The following SIX4 variants were observed in gnomAD, a reference collection of about 807,000 sequenced individuals.
SIX4 encodes SIX homeobox 4, also known as homeobox protein SIX4.
In SIX4, 23 loss-of-function variants were observed where a neutral mutation model predicts 51.5. That is an observed-to-expected ratio of 0.45 (90% CI 0.32 to 0.63). The LOEUF (loss-of-function observed/expected upper bound fraction) is 0.63. Among genes scored for constraint, SIX4 ranks in the 30% least tolerant of loss-of-function variants. The pLI is 0.04. For synonymous variants in SIX4, 413 were observed against 417.3 expected (o/e 0.99, Z 0.13); for missense variants, 867 against 984.0 (o/e 0.88, Z 1.59).
intron 2 of SIX4, among the ~76,000 whole-genome samples, chr14:60,718,294 A>G (rs938554553): frequency 2.0e-5 from 3 of 152,158 alleles, no homozygotes; most frequent in African/African-American, 7.2e-5. Flanking sequence ...ACTCACCCAG[A>G]CAGTCTAAGA....
In SIX4 at chr14:60,714,126, C is replaced by T. The variant is rs1392240504; in HGVS notation, c.1627G>A (p.Val543Ile). 1 of 1,613,782 alleles carries T rather than the reference C, an allele frequency of 6.2e-7. No individual in the cohort carries two copies. Among genetic ancestry groups the T allele is most frequent in the Admixed American group, 1.7e-5 (1 of 60,004 alleles). The change falls in exon 3 of 3, where the codon GTT becomes ATT. Residue 543 changes from valine (V) to isoleucine (I), a missense_variant. Physicochemically the swap from Val to Ile is conservative, Grantham distance 29. Coordinates refer to ENST00000216513, the MANE Select transcript of SIX4 (RefSeq NM_017420.5). ...SESTTVQQGK[V>I]FLSSLAPSAV... ...CTGGGAGCAAGAGAGCTCAAGAAAA[C>T]CTTTCCTTGCTGGACTGTGGTAGAC...
At position 60,723,787 on chromosome 14, in the gene SIX4, G is replaced by C; in HGVS notation, c.288C>G (p.His96Gln). The C allele has an allele frequency of 2.0e-6, 3 of 1,537,118 alleles. No individual in the cohort carries two copies. Among genetic ancestry groups the C allele is most frequent in the Non-Finnish European group, 1.7e-6 (2 of 1,147,350 alleles). Reference sequence around the variant, plus strand: ...GGGTCTGCGCGGCGGCGGCGGCGGCGTGGTGGTGCCTGCCCAGAAGTTCCG... The same window carrying C: ...GGGTCTGCGCGGCGGCGGCGGCGGCCTGGTGGTGCCTGCCCAGAAGTTCCG... ...LHSELLGRHH[H>Q]AAAAAAQTPL... The change falls in exon 1 of 3, where the codon CAC (histidine) becomes CAG (glutamine). Residue 96 changes from histidine to glutamine, a missense_variant. By Grantham distance (24) the His-to-Gln change is conservative. Transcript: ENST00000216513.
At position 60,723,773 on chromosome 14, in the gene SIX4, G is replaced by A. The variant is rs1896082937; in HGVS notation, c.302C>T (p.Ala101Val). 5.2e-6 allele frequency: 8 copies of A among 1,536,726 alleles called. No individual in the cohort carries two copies. The East Asian group carries it at 2.0e-4, about 38-fold the overall frequency. ...LGRHHHAAAA[A>V]AQTPLAFSPD... ...CGAGAAGGCCAGCGGGGTCTGCGCG[G>A]CGGCGGCGGCGGCGTGGTGGTGCCT... Residue 101 changes from alanine to valine, a missense_variant, in exon 1 of 3, where the codon GCC (alanine) becomes GTC (valine). Transcript: ENST00000216513.
chr14:60,719,861 A>T lies in SIX4; in HGVS notation c.1448T>A (p.Ile483Asn), dbSNP rs145386126. The T allele has an allele frequency of 6.2e-7, 1 of 1,614,208 alleles. No individual in the cohort carries two copies. The highest frequency in any genetic ancestry group is 1.1e-5 in the South Asian group (1 of 91,078). The change falls in exon 2 of 3, where the codon ATT (isoleucine) becomes AAT (asparagine). Residue 483 changes from isoleucine to asparagine, a missense_variant. Transcript: ENST00000216513. The surrounding 1 kb of genome is among the most constrained non-coding windows in gnomAD (Gnocchi z 4.9). The stretch of plus-strand genomic sequence containing the variant: ...TGCTCCGGAATTGGGGATCTGGACA[A>T]TGCCATACTGGTTAATTTGCACTGG... ...TTPVQINQYG[I>N]VQIPNSGANS...
chr14:60,724,151 C>T lies in SIX4; in HGVS notation c.-77G>A. Reference sequence around the variant, plus strand: ...TTTCTTTCCTCCTCTCTTACTCCTCCTCCTTCGTCTCCCTCCCTCCTCTCC... The same window carrying T: ...TTTCTTTCCTCCTCTCTTACTCCTCTTCCTTCGTCTCCCTCCCTCCTCTCC... On this transcript the variant is annotated 5_prime_UTR_variant, in exon 1 of 3. Coordinates refer to ENST00000216513, the MANE Select transcript of SIX4 (RefSeq NM_017420.5). The T allele has an allele frequency of 1.2e-6, 2 of 1,604,162 alleles. No individual in the cohort carries two copies. Among genetic ancestry groups the T allele is most frequent in the Non-Finnish European group, 1.7e-6 (2 of 1,177,878 alleles).
intron 2 of SIX4, among the ~76,000 whole-genome samples, chr14:60,718,870 A>G (rs1446406569): frequency 1.3e-5 from 2 of 152,194 alleles, no homozygotes; most frequent in Non-Finnish European, 2.9e-5. Flanking sequence ...TAAAGCCAAC[A>G]ATTACTACTT....
At position 60,711,081 on chromosome 14, in the gene SIX4, T is replaced by A. The variant is rs1422283986; in HGVS notation, c.*2326A>T. On this transcript the variant is annotated 3_prime_UTR_variant, in exon 3 of 3. Transcript: ENST00000216513. ...CTCTTGTTGGATGGGTATTTGAAAA[T>A]AACAAACTCTTGATATCTGCAGCAA... The A allele has an allele frequency of 1.3e-5, 2 of 151,728 alleles. No homozygotes were observed. Among genetic ancestry groups the A allele is most frequent in the Non-Finnish European group, 2.9e-5 (2 of 67,880 alleles). The allele number at this position is 151,728 out of a possible 1,614,324, so 9.4% of individuals were successfully genotyped here. A position where few individuals can be genotyped will look rare whatever the true frequency, so the allele number is the denominator to read the frequency against.
Position 60,712,296 on chromosome 14 carries a change from TA to T in SIX4, c.*1110del, listed in dbSNP as rs1448308975. On this transcript the variant is annotated 3_prime_UTR_variant, in exon 3 of 3. Transcript: ENST00000216513. ...GTCATATATATTATTTAGTGAAACT[TA>T]AGTTCTTCAGATTTAAAGCAATTTT... 6.6e-6 allele frequency: 1 copy of T among 152,640 alleles called. No homozygotes were observed. Among genetic ancestry groups the T allele is most frequent in the Non-Finnish European group, 1.5e-5 (1 of 68,028 alleles). The allele number at this position is 152,640 out of a possible 1,614,324, so 9.5% of individuals were successfully genotyped here. A position where few individuals can be genotyped will look rare whatever the true frequency, so the allele number is the denominator to read the frequency against.
chr14:60,717,970 C>A lies in SIX4; in HGVS notation c.1549+1790G>T. 4.4e-6 allele frequency: 1 copy of A among 227,580 alleles called. No homozygotes were observed. The allele number at this position is 227,580 out of a possible 1,614,324, so 14.1% of individuals were successfully genotyped here. The stretch of plus-strand genomic sequence containing the variant: ...GAGGCTGCAGTGAGCCGAGATCGCG[C>A]CACTGTACTCCAGCCTGGGTGACAA... On this transcript the variant is annotated intron_variant, in intron 2 of 2. Coordinates refer to ENST00000216513, the MANE Select transcript of SIX4 (RefSeq NM_017420.5). This position sits in a 1 kb window ranked among gnomAD's most constrained non-coding sequence, Gnocchi z 4.6.
chr14:60,716,086 G>C (rs943080075), intron 2 of SIX4, among the ~76,000 whole-genome samples: 1 of 150,342 alleles, frequency 6.7e-6, no homozygotes, highest in Non-Finnish European at 1.5e-5. Flanking sequence ...GGCTGTTCTC[G>C]AACTCCTGAG....
At chr14:60,721,259 C>A in intron 1 of SIX4, 4 of 408,460 alleles carry the variant, frequency 9.8e-6, no homozygotes, top group Non-Finnish European at 1.3e-5. Flanking sequence ...AGCTCTCTGA[C>A]TTGGGAGAAA....
Position 60,713,682 on chromosome 14 carries a change from T to C in SIX4, c.2071A>G (p.Thr691Ala), listed in dbSNP as rs1895864142. 1.2e-6 allele frequency: 2 copies of C among 1,614,242 alleles called. No homozygotes were observed. The highest frequency in any genetic ancestry group is 1.1e-5 in the South Asian group (1 of 91,084). ...GGGTGACCTACCTGATCTTCAGCTGTAGGAACTATTTCCCCAAGGGCAGCC... is the reference window on the plus strand; with the variant it reads ...GGGTGACCTACCTGATCTTCAGCTGCAGGAACTATTTCCCCAAGGGCAGCC... ...TQAALGEIVP[T>A]AEDQVGHPSP... Residue 691 changes from threonine (T) to alanine (A), a missense_variant, in exon 3 of 3, where the codon ACA (threonine) becomes GCA (alanine). Coordinates refer to ENST00000216513, the MANE Select transcript of SIX4 (RefSeq NM_017420.5).
intron 2 of SIX4, among the ~76,000 whole-genome samples, chr14:60,715,148 T>A (rs1216649950): frequency 2.0e-5 from 3 of 151,298 alleles, no homozygotes; most frequent in African/African-American, 7.3e-5. Flanking sequence ...AAAAAAAAAA[T>A]CTTTTCCAAG....
In SIX4 at chr14:60,713,357, A is replaced by G. The variant is rs2140265830; in HGVS notation, c.*50T>C. On this transcript the variant is annotated 3_prime_UTR_variant, in exon 3 of 3. Transcript: ENST00000216513. ...AAATGTTTTGTGTCCTTGGGGCTTC[A>G]TGAAAAGATTTGCCGCTGATGCCAA... 4 of 1,529,218 alleles carry G rather than the reference A, an allele frequency of 2.6e-6. No individual in the cohort carries two copies. The highest frequency in any genetic ancestry group is 2.6e-5 in the South Asian group (2 of 76,432). 94.7% of individuals were successfully genotyped at this position (1,529,218 alleles called of 1,614,324 possible). A position where few individuals can be genotyped will look rare whatever the true frequency, so the allele number is the denominator to read the frequency against.
intron 1 of SIX4, among the ~76,000 whole-genome samples, chr14:60,721,424 C>T (rs1290952977): frequency 6.6e-6 from 1 of 152,200 alleles, no homozygotes; most frequent in Non-Finnish European, 1.5e-5. Context: ...GCCCCGCGGT[C>T]GGTTCGCTTT....
rs968064850 is a variant in SIX4 at position 60,724,216 on chromosome 14, G to C, written c.-142C>G. ...CACTCCCTCCCTCCTGGTTTCGGCT[G>C]TATCTGGCCGATCAGGTTTCCCCCC... On this transcript the variant is annotated 5_prime_UTR_variant, in exon 1 of 3. Transcript: ENST00000216513. 1.9e-6 allele frequency: 3 copies of C among 1,551,500 alleles called. No homozygotes were observed. The South Asian group carries it at 3.5e-5, about 18-fold the overall frequency.
rs1045240307 is a variant in SIX4 at position 60,721,494 on chromosome 14, G to T, written c.864-1049C>A. Reference sequence around the variant, plus strand: ...CTGCGGGGCCAGGAGCGCAGAAAGCGCTTTGATTTACAAGCTGAGGCTGAG... The same window carrying T: ...CTGCGGGGCCAGGAGCGCAGAAAGCTCTTTGATTTACAAGCTGAGGCTGAG... On this transcript the variant is annotated intron_variant, in intron 1 of 2. Transcript: ENST00000216513. 2.6e-5 allele frequency among the ~76,000 whole-genome samples: 4 copies of T among 152,328 alleles called. 1 individual carries two copies. Among genetic ancestry groups the T allele is most frequent in the South Asian group, 4.1e-4 (2 of 4,828 alleles).
rs1013294799 is a variant in SIX4 at position 60,721,626 on chromosome 14, G to A, written c.864-1181C>T. On this transcript the variant is annotated intron_variant, in intron 1 of 2. Transcript: ENST00000216513. The stretch of plus-strand genomic sequence containing the variant: ...GGGCCGGCGGCGGGGTGGGTGTGGA[G>A]TTTATGGGGTGGGGCGGGGGGGACG... Among the ~76,000 whole-genome samples the A allele has an allele frequency of 9.0e-3, 844 of 93,826 alleles. 7 individuals are homozygous for A. Among genetic ancestry groups the A allele is most frequent in the African/African-American group, 0.032 (801 of 25,054 alleles). The allele number at this position is 93,826 out of a possible 152,430, so 61.6% of individuals were successfully genotyped here.
At position 60,709,542 on chromosome 14, in the gene SIX4, G is replaced by A. The variant is rs182798935; in HGVS notation, c.*3865C>T. 238 of 152,648 alleles carry A rather than the reference G, an allele frequency of 1.6e-3. No individual in the cohort carries two copies. Among genetic ancestry groups the A allele is most frequent in the South Asian group, 0.014 (68 of 4,826 alleles). The allele number at this position is 152,648 out of a possible 1,614,324, so 9.5% of individuals were successfully genotyped here. The stretch of plus-strand genomic sequence containing the variant: ...CCAAATAATTTTCAATGCAAGGTAT[G>A]TATAAATATAAAGTTTATTTAGCAT... On this transcript the variant is annotated 3_prime_UTR_variant, in exon 3 of 3. Transcript: ENST00000216513. The surrounding 1 kb of genome is among the most constrained non-coding windows in gnomAD (Gnocchi z 4.1).
Sources: gnomAD v4.1 joint callset for allele counts (sites outside exome capture counted in the v4.1 genomes callset) on GRCh38, gnomAD v4.1.1 for gene constraint, Gnocchi (gnomAD v3.1) non-coding constraint, MANE v1.5 for transcripts, NCBI Gene and HGNC (gene_info 2026-07-23, HGNC 2026-07-21) for gene names.